The following EYA4 variants were observed in gnomAD, a reference collection of about 807,000 sequenced individuals.
EYA4 encodes the protein EYA transcriptional coactivator and phosphatase 4.
A neutral mutation model predicts 87.9 loss-of-function variants in EYA4; 31 were observed. That is an observed-to-expected ratio of 0.35 (90% CI 0.27 to 0.48). EYA4 has a LOEUF of 0.48. Among genes scored for constraint, EYA4 ranks in the 20% least tolerant of loss-of-function variants. EYA4 has a pLI of 0.99. For synonymous variants in EYA4, 263 were observed against 270.6 expected (o/e 0.97, Z 0.28); for missense variants, 678 against 761.4 (o/e 0.89, Z 1.29).
At chr6:133,272,672 A>T (rs189200283) in intron 1 of EYA4, among the ~76,000 whole-genome samples, 1 of 152,126 alleles carries the variant, frequency 6.6e-6, no homozygotes, top group African/African-American at 2.4e-5. Context: ...GGGCCTGGCA[A>T]AGGCTCCAAA....
intron 3 of EYA4, among the ~76,000 whole-genome samples, chr6:133,402,027 T>G (rs1788308775): frequency 6.6e-6 from 1 of 152,160 alleles, no homozygotes; most frequent in African/African-American, 2.4e-5. Context: ...ACTGAGGAGT[T>G]GCCCACCAGC....
rs574540207 is a variant in EYA4 at position 133,483,191 on chromosome 6, A to G, written c.1191+76A>G. ...TTTGTTTAAAATCAAGGGCTATTTA[A>G]AAATTCTTTTAAGTGTTTTTTTATT... On this transcript the variant is annotated intron_variant, in intron 13 of 19. Transcript: ENST00000355286. 7.8e-5 allele frequency: 88 copies of G among 1,124,620 alleles called. No homozygotes were observed. In the East Asian group the frequency reaches 2.1e-3, roughly 27 times the overall value. The allele number at this position is 1,124,620 out of a possible 1,614,324, so 69.7% of individuals were successfully genotyped here. A position where few individuals can be genotyped will look rare whatever the true frequency, so the allele number is the denominator to read the frequency against.
intron 2 of EYA4, among the ~76,000 whole-genome samples, chr6:133,294,032 T>TATATATATATATATATAC (rs1342302004): frequency 1.8e-5 from 1 of 55,096 alleles, no homozygotes; most frequent in Non-Finnish European, 3.6e-5. Context: ...TTTATATATA[T>TATATATATATATATATAC]ATATATATAT....
intron 12 of EYA4, among the ~76,000 whole-genome samples, chr6:133,482,244 A>C (rs1796277190): frequency 6.6e-6 from 1 of 152,242 alleles, no homozygotes; most frequent in Admixed American, 6.5e-5. Flanking sequence ...AGATTTAGTA[A>C]AATCAAGTGA....
At chr6:133,317,311 A>G (rs934109234) in intron 2 of EYA4, among the ~76,000 whole-genome samples, 1 of 152,244 alleles carries the variant, frequency 6.6e-6, no homozygotes, top group African/African-American at 2.4e-5. Context: ...GAACATTGTC[A>G]TAATGACCCA....
intron 11 of EYA4, among the ~76,000 whole-genome samples, chr6:133,472,444 C>T (rs1199064021): frequency 2.1e-5 from 2 of 94,888 alleles, no homozygotes; most frequent in Non-Finnish European, 3.9e-5. Context: ...TTTGATTGCA[C>T]TGTGGTCTGA....
Position 133,388,010 on chromosome 6 carries a change from A to G in EYA4, c.83+5569A>G, listed in dbSNP as rs1786901666. On this transcript the variant is annotated intron_variant, in intron 3 of 19. Coordinates refer to ENST00000355286, the MANE Select transcript of EYA4 (RefSeq NM_004100.5). The stretch of plus-strand genomic sequence containing the variant: ...CTGTTAATTGTGTCTTTGATAGCTG[A>G]CCTATCTTGATCCTTTGTTCATGGT... Among the ~76,000 whole-genome samples, 3 of 152,026 alleles carry G rather than the reference A, an allele frequency of 2.0e-5. No individual in the cohort carries two copies. In the South Asian group the frequency reaches 6.2e-4, roughly 32 times the overall value.
At chr6:133,295,209 C>T (rs1778858773) in intron 2 of EYA4, among the ~76,000 whole-genome samples, 1 of 152,148 alleles carries the variant, frequency 6.6e-6, no homozygotes, top group Non-Finnish European at 1.5e-5. Context: ...AAATGATCAG[C>T]TCCATAATTA....
chr6:133,493,145 C>A (rs571794013), intron 13 of EYA4, among the ~76,000 whole-genome samples: 90 of 152,118 alleles, frequency 5.9e-4, no homozygotes, highest in African/African-American at 2.1e-3. Context: ...CCAAAGCTAC[C>A]CTGAGCAAAA....
chr6:133,434,527 T>C (rs1235128068), intron 3 of EYA4, among the ~76,000 whole-genome samples: 1 of 152,180 alleles, frequency 6.6e-6, no homozygotes. Context: ...AGGATATTAT[T>C]ATCTCCAATA....
chr6:133,286,031 T>C (rs564948565), intron 2 of EYA4, among the ~76,000 whole-genome samples: 1 of 152,316 alleles, frequency 6.6e-6, no homozygotes, highest in East Asian at 1.9e-4. Flanking sequence ...AGCAGGGCCA[T>C]ATAACTAGTG....
chr6:133,369,075 G>T (rs1000385209), intron 2 of EYA4, among the ~76,000 whole-genome samples: 1 of 152,166 alleles, frequency 6.6e-6, no homozygotes, highest in Non-Finnish European at 1.5e-5. Flanking sequence ...GACAGGAAAT[G>T]CTACACTGAA....
At chr6:133,510,634 C>A in intron 14 of EYA4, 1 of 228,742 alleles carries the variant, frequency 4.4e-6, no homozygotes, top group South Asian at 5.6e-5. Context: ...GGACTGCACT[C>A]CTTTCAGCCA....
At chr6:133,379,902 C>T (rs1182882842) in intron 2 of EYA4, among the ~76,000 whole-genome samples, 1 of 152,142 alleles carries the variant, frequency 6.6e-6, no homozygotes, top group Admixed American at 6.6e-5. Flanking sequence ...TTTTTTACAA[C>T]CTTTCAATGG....
chr6:133,385,681 G>A (rs745925010), intron 3 of EYA4, among the ~76,000 whole-genome samples: 28 of 152,078 alleles, frequency 1.8e-4, no homozygotes, highest in Non-Finnish European at 3.7e-4. Context: ...TAGAATAAAT[G>A]CAGATGGAAA....
intron 2 of EYA4, among the ~76,000 whole-genome samples, chr6:133,307,364 C>T (rs1486397561): frequency 6.6e-6 from 1 of 152,110 alleles, no homozygotes; most frequent in Non-Finnish European, 1.5e-5. Context: ...CTTTTAAAAG[C>T]TTCAGCAGAA....
At chr6:133,465,634 A>G (rs957764949) in intron 10 of EYA4, among the ~76,000 whole-genome samples, 1 of 152,116 alleles carries the variant, frequency 6.6e-6, no homozygotes, top group African/African-American at 2.4e-5. Context: ...ATTTTCAGCC[A>G]TGTTCGAAGT....
In EYA4 at chr6:133,529,001, G is replaced by A. The variant is rs1316727767; in HGVS notation, c.*196G>A. On this transcript the variant is annotated 3_prime_UTR_variant, in exon 20 of 20. Transcript: ENST00000355286. ...AGTGCTACAGAAAAGAAACTCTATG[G>A]TCTTATATTTACAACACTTTAATGG... 1.4e-6 allele frequency: 2 copies of A among 1,401,964 alleles called. No individual in the cohort carries two copies. The highest frequency in any genetic ancestry group is 1.5e-5 in the African/African-American group (1 of 68,720). The allele number at this position is 1,401,964 out of a possible 1,614,324, so 86.8% of individuals were successfully genotyped here.
intron 11 of EYA4, among the ~76,000 whole-genome samples, chr6:133,479,265 A>G (rs936839961): frequency 6.6e-6 from 1 of 152,210 alleles, no homozygotes; most frequent in African/African-American, 2.4e-5. Context: ...AAGGTGAAAC[A>G]TGATTTACTA....
Sources: gnomAD v4.1 joint callset for allele counts (sites outside exome capture counted in the v4.1 genomes callset) on GRCh38, gnomAD v4.1.1 for gene constraint, MANE v1.5 for transcripts, NCBI Gene and HGNC (gene_info 2026-07-23, HGNC 2026-07-21) for gene names.